The following LIMCH1 variants were observed in gnomAD, a reference collection of about 807,000 sequenced individuals.
The protein encoded by LIMCH1 is LIM and calponin homology domains-containing protein 1.
A neutral mutation model predicts 176.5 loss-of-function variants in LIMCH1; 113 were observed. The ratio of observed to expected loss-of-function variants is 0.64; its 90% confidence interval spans 0.55 to 0.75. The LOEUF is 0.75. Among genes scored for constraint, LIMCH1 ranks in the 30% least tolerant of loss-of-function variants. LIMCH1 has a pLI of 0.00. For synonymous variants in LIMCH1, 619 were observed against 645.9 expected (o/e 0.96, Z 0.63); for missense variants, 1,674 against 1,814.9 (o/e 0.92, Z 1.41).
At chr4:41,696,757 A>C (rs920267470) in intron 31 of LIMCH1, among the ~76,000 whole-genome samples, 2 of 152,186 alleles carry the variant, frequency 1.3e-5, no homozygotes, top group Admixed American at 6.5e-5. Flanking sequence ...ATTACAATGT[A>C]CTTATTCTTA....
intron 1 of LIMCH1, among the ~76,000 whole-genome samples, chr4:41,453,908 G>A (rs1188439409): frequency 2.6e-5 from 4 of 151,926 alleles, no homozygotes; most frequent in African/African-American, 4.8e-5. Flanking sequence ...CTTTTTCCAC[G>A]CTTCTGTTCG....
intron 1 of LIMCH1, among the ~76,000 whole-genome samples, chr4:41,434,285 C>T (rs1288954747): frequency 2.0e-5 from 3 of 152,150 alleles, no homozygotes; most frequent in Non-Finnish European, 2.9e-5. Flanking sequence ...ACTCTAAGGC[C>T]CTGGCCACCA....
chr4:41,495,722 A>G (rs1197859958), intron 2 of LIMCH1, among the ~76,000 whole-genome samples: 1 of 152,140 alleles, frequency 6.6e-6, no homozygotes, highest in African/African-American at 2.4e-5. Context: ...TAGGCTTTTT[A>G]TGAGCTTCAA....
At chr4:41,395,358 A>T (rs2057691150) in intron 1 of LIMCH1, among the ~76,000 whole-genome samples, 1 of 149,280 alleles carries the variant, frequency 6.7e-6, no homozygotes, top group Admixed American at 6.7e-5. Context: ...TCACCCTCCC[A>T]AGTAGCTGGG....
At chr4:41,468,056 T>C (rs2066407363) in intron 1 of LIMCH1, among the ~76,000 whole-genome samples, 2 of 152,216 alleles carry the variant, frequency 1.3e-5, no homozygotes, top group Non-Finnish European at 2.9e-5. Context: ...GAGAGTTCAG[T>C]ATAGCAAGCC....
intron 14 of LIMCH1, among the ~76,000 whole-genome samples, chr4:41,641,039 C>T (rs916737539): frequency 7.2e-5 from 11 of 152,286 alleles, no homozygotes; most frequent in South Asian, 4.2e-4. Context: ...AATTCCTTTA[C>T]GGTAGACTTG....
At chr4:41,509,082 G>A (rs961517707) in intron 2 of LIMCH1, among the ~76,000 whole-genome samples, 6 of 152,310 alleles carry the variant, frequency 3.9e-5, no homozygotes, top group Non-Finnish European at 7.3e-5. Flanking sequence ...TTCAAACTGA[G>A]ACACTGTTCA....
At chr4:41,556,196 A>G (rs994639953) in intron 1 of LIMCH1, among the ~76,000 whole-genome samples, 7 of 151,954 alleles carry the variant, frequency 4.6e-5, no homozygotes, top group African/African-American at 1.7e-4. Flanking sequence ...GGAGTTCAAG[A>G]CCAGCCTGAC....
rs536390420 is a variant in LIMCH1 at position 41,383,600 on chromosome 4, A to G, written c.96+22664A>G. ...GGGAAAAATCTTTGATTGATTTTCA[A>G]TCCTGGCTGCACAACAGAACCATTG... On this transcript the variant is annotated intron_variant, in intron 1 of 26. Transcript: ENST00000313860. Among the ~76,000 whole-genome samples the G allele has an allele frequency of 3.9e-5, 6 of 152,318 alleles. No individual in the cohort carries two copies. In the East Asian group the frequency reaches 1.2e-3, roughly 29 times the overall value.
At chr4:41,552,056 T>C (rs2080516098) in intron 1 of LIMCH1, among the ~76,000 whole-genome samples, 1 of 152,172 alleles carries the variant, frequency 6.6e-6, no homozygotes, top group Non-Finnish European at 1.5e-5. Context: ...ACGTCTTACA[T>C]GGCAGCAGGC....
chr4:41,367,766 C>T (rs924245728), intron 1 of LIMCH1, among the ~76,000 whole-genome samples: 1 of 149,752 alleles, frequency 6.7e-6, no homozygotes, highest in African/African-American at 2.5e-5. Flanking sequence ...ACTCGGAACG[C>T]TGAAACAGGA....
intron 1 of LIMCH1, among the ~76,000 whole-genome samples, chr4:41,547,884 T>TATATAC (rs2079797984): frequency 7.1e-6 from 1 of 141,692 alleles, no homozygotes; most frequent in Non-Finnish European, 1.5e-5. Context: ...TATATATATA[T>TATATAC]ATATATATAT....
chr4:41,682,672 C>CTTTTTTTTTTTTTTTTT (rs1479823691), intron 26 of LIMCH1, among the ~76,000 whole-genome samples: 41 of 139,900 alleles, frequency 2.9e-4, no homozygotes, highest in Non-Finnish European at 4.4e-4. Flanking sequence ...TTTTTTTCTT[C>CTTTTTTTTTTTTTTTTT]TTCTTCTTTT....
At chr4:41,485,794 C>T (rs772255618) in intron 1 of LIMCH1, among the ~76,000 whole-genome samples, 4 of 152,058 alleles carry the variant, frequency 2.6e-5, no homozygotes, top group African/African-American at 4.8e-5. Context: ...TACAGGATTA[C>T]CCTGGCTGCT....
chr4:41,416,575 T>G (rs1023047133), intron 1 of LIMCH1, among the ~76,000 whole-genome samples: 2 of 151,680 alleles, frequency 1.3e-5, no homozygotes, highest in Non-Finnish European at 2.9e-5. Context: ...TGAGAATCTC[T>G]TGAATCTAGG....
rs1460584853 is a variant in LIMCH1 at position 41,632,750 on chromosome 4, A to G, written c.1603A>G (p.Thr535Ala). ...QIFNRQNDCR[T>A]MNCGRGDYCR... ...CCAATGCTACTTGATCGTCTGCAGA[A>G]CAATGAATTGTGGCCGAGGTGACTA... Residue 535 changes from threonine (T) to alanine (A), a missense_variant and splice_region_variant, in exon 11 of 32, where the codon ACA (threonine) becomes GCA (alanine). Thr to Ala is a moderately conservative substitution (Grantham distance 58). Coordinates refer to ENST00000503057, the MANE Select transcript of LIMCH1 (RefSeq NM_001330672.2). 1 of 1,536,116 alleles carries G rather than the reference A, an allele frequency of 6.5e-7. No individual in the cohort carries two copies. The highest frequency in any genetic ancestry group is 1.2e-5 in the South Asian group (1 of 84,056).
chr4:41,630,305 T>C (rs2093247955), intron 9 of LIMCH1, among the ~76,000 whole-genome samples: 1 of 152,010 alleles, frequency 6.6e-6, no homozygotes, highest in Admixed American at 6.6e-5. Context: ...AAAAAGTGCG[T>C]CTCACATCAC....
At chr4:41,527,695 C>T (rs990021148) in intron 3 of LIMCH1, among the ~76,000 whole-genome samples, 3 of 151,920 alleles carry the variant, frequency 2.0e-5, no homozygotes, top group Non-Finnish European at 2.9e-5. Context: ...CGGTGGTGGG[C>T]GCCTGTAGTC....
At chr4:41,496,154 T>C (rs972339379) in intron 2 of LIMCH1, among the ~76,000 whole-genome samples, 3 of 152,232 alleles carry the variant, frequency 2.0e-5, no homozygotes, top group Non-Finnish European at 4.4e-5. Flanking sequence ...ATGCAGACCA[T>C]GTTGGTTCAA....
Sources: allele counts gnomAD v4.1 joint callset (sites outside exome capture counted in the v4.1 genomes callset), GRCh38; gene constraint gnomAD v4.1.1; transcripts MANE v1.5; gene names NCBI Gene and HGNC (gene_info 2026-07-23, HGNC 2026-07-21).